Variants in CDKL3 observed in about 807,000 individuals in gnomAD.
CDKL3 encodes cyclin-dependent kinase-like 3.
Under a neutral mutation model 69.3 loss-of-function variants are expected in CDKL3, and 65 were observed. The ratio of observed to expected loss-of-function variants is 0.94; its 90% CI spans 0.77 to 1.15. CDKL3 has a LOEUF of 1.15. Ranked by LOEUF, CDKL3 falls within the 50% of genes most tolerant of loss-of-function variation. The pLI, the probability that CDKL3 is intolerant of heterozygous loss-of-function variation, is 0.00. For missense variants in CDKL3, 652 were observed against 689.2 expected, an observed-to-expected ratio of 0.95 and a Z score of 0.61; for synonymous variants, 202 against 221.6, an observed-to-expected ratio of 0.91 and a Z score of 0.79.
downstream of CDKL3, among the ~76,000 whole-genome samples, chr5:134,294,828 T>C (rs1305019025): frequency 6.6e-6 from 1 of 151,946 alleles, no homozygotes; most frequent in Non-Finnish European, 1.5e-5. Flanking sequence ...AACTGGAAGA[T>C]GAGATTTTAA....
intron 8 of CDKL3, among the ~76,000 whole-genome samples, chr5:134,289,310 A>G (rs1765021603): frequency 6.6e-6 from 1 of 152,174 alleles, no homozygotes; most frequent in Non-Finnish European, 1.5e-5. Flanking sequence ...TTCCAAACTC[A>G]ACAACAATCC....
chr5:134,324,891 C>T lies in CDKL3; in HGVS notation c.540-2988G>A, dbSNP rs373784978. On this transcript the variant is annotated intron_variant, in intron 4 of 12. Coordinates refer to ENST00000265334, the MANE Select transcript of CDKL3 (RefSeq NM_001113575.2). ...CATCAATTGTAACAAATGTACCACA[C>T]TAATACAAGATGTTAGTAATAGAGA... is the stretch of plus-strand genomic sequence containing the variant. Among the ~76,000 whole-genome samples the T allele has an allele frequency of 4.6e-5, 7 of 152,160 alleles. No homozygotes were observed. The East Asian group carries it at 5.8e-4, about 13-fold the overall frequency.
chr5:134,324,631 A>G (rs921973037), intron 4 of CDKL3, among the ~76,000 whole-genome samples: 1 of 152,226 alleles, frequency 6.6e-6, no homozygotes, highest in Non-Finnish European at 1.5e-5. Flanking sequence ...ACTATATGAT[A>G]TTCTGGAAAA....
At chr5:134,318,328 A>C (rs140201294) in intron 6 of CDKL3, among the ~76,000 whole-genome samples, 2,223 of 152,230 alleles carry the variant, frequency 0.015, 40 homozygotes, top group African/African-American at 0.049. Flanking sequence ...CAGGTCAAGA[A>C]GGAATTTTGG....
downstream of CDKL3, among the ~76,000 whole-genome samples, chr5:134,296,231 C>G (rs2149406285): frequency 6.6e-6 from 1 of 151,902 alleles, no homozygotes; most frequent in East Asian, 1.9e-4. Flanking sequence ...ATATGTCATC[C>G]AAAAGACCAC....
At chr5:134,284,968 T>C (rs905813749), downstream of CDKL3, among the ~76,000 whole-genome samples, 1 of 152,226 alleles carries the variant, frequency 6.6e-6, no homozygotes. Context: ...CGAGGCGACA[T>C]ACATCCTCAG....
At chr5:134,354,321 T>C (rs551174785) in intron 3 of CDKL3, among the ~76,000 whole-genome samples, 10 of 152,210 alleles carry the variant, frequency 6.6e-5, no homozygotes, top group Non-Finnish European at 8.8e-5. Context: ...AAGTGAATTA[T>C]AGAAGCACAT....
chr5:134,364,537 G>C (rs1756908549), intron 2 of CDKL3, among the ~76,000 whole-genome samples: 2 of 151,662 alleles, frequency 1.3e-5, no homozygotes, highest in Admixed American at 6.6e-5. Flanking sequence ...TTTTAGACAA[G>C]GTGTTGCTCT....
chr5:134,368,793 C>G (rs1758009044), upstream of CDKL3, among the ~76,000 whole-genome samples: 1 of 151,802 alleles, frequency 6.6e-6, no homozygotes, highest in South Asian at 2.1e-4. Flanking sequence ...ACCTGTAATC[C>G]CAGGGAGGCC....
In CDKL3 at chr5:134,357,208, G is replaced by A. The variant is rs890308647; in HGVS notation, c.360+2689C>T. On this transcript the variant is annotated intron_variant, in intron 3 of 12. Coordinates refer to ENST00000265334, the MANE Select transcript of CDKL3 (RefSeq NM_001113575.2). ...CGCCTGTAATCCCAGCACTTTGGGA[G>A]GCTAAGGTGGGCGGATCACGAGGTC... 3.3e-5 allele frequency among the ~76,000 whole-genome samples: 5 copies of A among 152,282 alleles called. No homozygotes were observed. The South Asian group carries it at 6.2e-4, about 19-fold the overall frequency.
At chr5:134,328,519 A>G (rs1035939025) in intron 4 of CDKL3, among the ~76,000 whole-genome samples, 1 of 152,202 alleles carries the variant, frequency 6.6e-6, no homozygotes, top group Non-Finnish European at 1.5e-5. Context: ...AAGGAATGAA[A>G]AAAATAACAG....
rs1769790965 is a variant in CDKL3, at chr5:134,312,377, A to G, written c.796T>C (p.Cys266Arg). The part of the protein sequence containing the change: ...NGLLADIVHA[C>R]LQIDPADRIS... ...CTGTCAGCAGGATCAATTTGTAAAC[A>G]AGCCTAGGAAAGGAAAAAGATTTTA... The change falls in exon 7 of 13, where the codon TGT becomes CGT. Residue 266 changes from cysteine to arginine, a missense_variant. Physicochemically the swap from Cys to Arg is radical, Grantham distance 180. Coordinates refer to ENST00000265334, the MANE Select transcript of CDKL3 (RefSeq NM_001113575.2). 1.3e-6 allele frequency: 2 copies of G among 1,568,280 alleles called. No individual in the cohort carries two copies. Among genetic ancestry groups the G allele is most frequent in the African/African-American group, 2.7e-5 (2 of 72,840 alleles).
intron 8 of CDKL3, among the ~76,000 whole-genome samples, chr5:134,292,746 G>A (rs888054337): frequency 1.3e-5 from 2 of 151,784 alleles, no homozygotes; most frequent in Non-Finnish European, 2.9e-5. Context: ...TCAATAACAG[G>A]AATGATAAAG....
At chr5:134,344,091 A>G (rs1337685451) in intron 4 of CDKL3, among the ~76,000 whole-genome samples, 1 of 152,246 alleles carries the variant, frequency 6.6e-6, no homozygotes, top group Non-Finnish European at 1.5e-5. Context: ...CAACAACTGG[A>G]TAGCCAAATG....
In CDKL3 at chr5:134,306,689, CT is replaced by C; in HGVS notation, c.1377del (p.Ala460GlnfsTer53). 6.4e-7 allele frequency: 1 copy of C among 1,553,824 alleles called. No individual in the cohort carries two copies. On this transcript the variant is annotated frameshift_variant, in exon 10 of 13. Coordinates refer to ENST00000265334, the MANE Select transcript of CDKL3 (RefSeq NM_001113575.2). LOFTEE classifies it high-confidence loss of function. ...TGTGAAGAAGTGCGTCTCTTTTTTG[CT>C]CTTTCAGTTAACCTATTATTTAAAA... ...LFHPSVRLTE[R>X]AKKRRTSSQS... is the part of the protein sequence containing the mutation.
chr5:134,306,750 C>CTGTT (rs1767965187), intron 9 of CDKL3, 48 bp from the exon 10 acceptor site: 1 of 193,998 alleles, frequency 5.2e-6, no homozygotes, highest in Non-Finnish European at 8.4e-6. Flanking sequence ...CCCAGAAATG[C>CTGTT]TTTTTTTTTT....
rs1177555779 is a variant in CDKL3 at position 134,366,452 on chromosome 5, C to CT, written c.71dup (p.Asn25GlufsTer9). On this transcript the variant is annotated frameshift_variant, in exon 2 of 13. Coordinates refer to ENST00000265334, the MANE Select transcript of CDKL3 (RefSeq NM_001113575.2). LOFTEE classifies it high-confidence loss of function. ...TAATGGCCACTATCTGCCCAGTATT[C>CT]TTATGTTTACATTTCATGACTGTTC... is the stretch of plus-strand genomic sequence containing the variant. 10 of 1,608,460 alleles carry CT rather than the reference C, an allele frequency of 6.2e-6. No individual in the cohort carries two copies. The highest frequency in any genetic ancestry group is 8.5e-6 in the Non-Finnish European group (10 of 1,177,104).
chr5:134,302,663 C>A lies in CDKL3; in HGVS notation c.1646G>T (p.Arg549Met). The change falls in exon 12 of 13, where the codon AGG (arginine) becomes ATG (methionine). Residue 549 changes from arginine to methionine, a missense_variant. Physicochemically the swap from Arg to Met is moderately conservative, Grantham distance 91 (BLOSUM62 -1). Coordinates refer to ENST00000265334, the MANE Select transcript of CDKL3 (RefSeq NM_001113575.2). ...MEVKQIKMLK[R>M]ESKKTESSKI... ...AGATGACTCTGTTTTCTTTGACTCCCTCTTCAGCATTTTTATCTGTTTAAC... is the reference window on the plus strand; with the variant it reads ...AGATGACTCTGTTTTCTTTGACTCCATCTTCAGCATTTTTATCTGTTTAAC... 6.3e-7 allele frequency: 1 copy of A among 1,596,290 alleles called. No individual in the cohort carries two copies. Among genetic ancestry groups the A allele is most frequent in the Admixed American group, 1.7e-5 (1 of 58,278 alleles).
At chr5:134,351,896 T>C (rs1218104196) in intron 3 of CDKL3, among the ~76,000 whole-genome samples, 1 of 152,224 alleles carries the variant, frequency 6.6e-6, no homozygotes, top group Non-Finnish European at 1.5e-5. Context: ...ATACTTATTT[T>C]GTGGTGAGAA....
Sources: allele counts gnomAD v4.1 joint callset (sites outside exome capture counted in the v4.1 genomes callset), GRCh38; gene constraint gnomAD v4.1.1; transcripts MANE v1.5; gene names NCBI Gene and HGNC (gene_info 2026-07-23, HGNC 2026-07-21).